KCNMB2: variants seen among roughly 807,000 people sequenced by gnomAD.
KCNMB2 encodes calcium-activated potassium channel subunit beta-2.
A neutral mutation model predicts 24.5 loss-of-function variants in KCNMB2; 9 were observed. The observed-to-expected ratio is 0.37, with a 90% CI of 0.22 to 0.64. The LOEUF (loss-of-function observed/expected upper bound fraction) is 0.64, where lower values mean the gene tolerates loss of function less well. Among genes scored for constraint, KCNMB2 ranks in the 30% least tolerant of loss-of-function variants. The pLI is 0.63. For synonymous variants in KCNMB2, 109 were observed against 104.4 expected, an observed-to-expected ratio of 1.04 and a Z score of -0.27; for missense variants, 226 against 284.3, an observed-to-expected ratio of 0.79 and a Z score of 1.47.
rs375704467 is a variant in KCNMB2 at position 178,599,444 on chromosome 3, G to T, written c.-68+62733G>T. Among the ~76,000 whole-genome samples, 50 of 152,208 alleles carry T rather than the reference G, an allele frequency of 3.3e-4. No homozygotes were observed. In the South Asian group the frequency reaches 0.01, roughly 31 times the overall value. On this transcript the variant is annotated intron_variant, in intron 1 of 4. Coordinates refer to ENST00000452583, the MANE Select transcript of KCNMB2 (RefSeq NM_181361.3). ...AAAAAGAAAAAGTCATCAGGCTACA[G>T]AATTTTTTAAAAGTATGTGCTATCA...
intron 1 of KCNMB2, among the ~76,000 whole-genome samples, chr3:178,625,483 G>C (rs888215035): frequency 6.6e-6 from 1 of 152,260 alleles, no homozygotes; most frequent in South Asian, 2.1e-4. Flanking sequence ...CAATGCCGGG[G>C]TGGGGAGGTG....
chr3:178,812,351 AG>A (rs781283407), intron 2 of KCNMB2, among the ~76,000 whole-genome samples: 1 of 150,724 alleles, frequency 6.6e-6, no homozygotes, highest in Non-Finnish European at 1.5e-5. Flanking sequence ...CTCGTCATTT[AG>A]CATTAGGTAT....
chr3:178,631,553 C>T (rs935889489), intron 1 of KCNMB2, among the ~76,000 whole-genome samples: 4 of 152,228 alleles, frequency 2.6e-5, no homozygotes, highest in Admixed American at 1.3e-4. Context: ...AACACTGGAT[C>T]GGGGGGTCGA....
chr3:178,693,270 G>C (rs1359858529), intron 1 of KCNMB2, among the ~76,000 whole-genome samples: 4 of 152,184 alleles, frequency 2.6e-5, no homozygotes, highest in Non-Finnish European at 5.9e-5. Context: ...GTCCTGGCCA[G>C]GATGTCCAAT....
chr3:178,739,130 G>A (rs1723412987), intron 1 of KCNMB2, among the ~76,000 whole-genome samples: 2 of 151,414 alleles, frequency 1.3e-5, no homozygotes, highest in African/African-American at 4.8e-5. Context: ...TATATCAGCA[G>A]GAGGTAGAAA....
At chr3:178,738,965 T>C (rs139142924) in intron 1 of KCNMB2, among the ~76,000 whole-genome samples, 1 of 152,106 alleles carries the variant, frequency 6.6e-6, no homozygotes, top group East Asian at 1.9e-4. Flanking sequence ...ATGTAGAAAA[T>C]AATGCTGTGC....
chr3:178,541,328 G>A (rs35813382), intron 1 of KCNMB2, among the ~76,000 whole-genome samples: 17,714 of 152,056 alleles, frequency 0.12, 1,219 homozygotes, highest in Middle Eastern at 0.22. Flanking sequence ...ATGTTGACAC[G>A]TCCTATATTT....
At chr3:178,837,883 T>C (rs1715290307) in intron 4 of KCNMB2, among the ~76,000 whole-genome samples, 1 of 152,178 alleles carries the variant, frequency 6.6e-6, no homozygotes, top group African/African-American at 2.4e-5. Context: ...TAAAAATCTA[T>C]ATTTTTAAGC....
At chr3:178,553,099 A>C in intron 1 of KCNMB2, among the ~76,000 whole-genome samples, 1 of 152,250 alleles carries the variant, frequency 6.6e-6, no homozygotes, top group Non-Finnish European at 1.5e-5. Flanking sequence ...CACAAAAGAA[A>C]ATCAATTTTA....
intron 1 of KCNMB2, among the ~76,000 whole-genome samples, chr3:178,665,255 A>G (rs951667599): frequency 2.0e-5 from 3 of 152,172 alleles, no homozygotes; most frequent in Non-Finnish European, 2.9e-5. Context: ...CACTTTTAAA[A>G]GAGTTTATTA....
chr3:178,837,052 C>G (rs951567552), intron 4 of KCNMB2, among the ~76,000 whole-genome samples: 5 of 152,098 alleles, frequency 3.3e-5, no homozygotes, highest in Non-Finnish European at 7.4e-5. Flanking sequence ...AAACAAAAAC[C>G]TAGGCTCCTA....
At chr3:178,754,375 T>C (rs1307945960) in intron 1 of KCNMB2, among the ~76,000 whole-genome samples, 1 of 151,998 alleles carries the variant, frequency 6.6e-6, no homozygotes, top group African/African-American at 2.4e-5. Flanking sequence ...ACTTGGTTAT[T>C]TATCTTTGTA....
At chr3:178,745,181 A>G (rs1039124720) in intron 1 of KCNMB2, among the ~76,000 whole-genome samples, 3 of 152,178 alleles carry the variant, frequency 2.0e-5, no homozygotes, top group Non-Finnish European at 4.4e-5. Flanking sequence ...ATAAAGACAT[A>G]CCCAAGACGG....
chr3:178,701,958 T>C (rs1722113265), intron 1 of KCNMB2, among the ~76,000 whole-genome samples: 1 of 152,128 alleles, frequency 6.6e-6, no homozygotes, highest in Non-Finnish European at 1.5e-5. Context: ...ATATAAATCA[T>C]GCTGCTATAA....
intron 1 of KCNMB2, among the ~76,000 whole-genome samples, chr3:178,664,594 C>A (rs967302331): frequency 6.6e-6 from 1 of 151,846 alleles, no homozygotes; most frequent in Admixed American, 6.6e-5. Context: ...ATTCTTTGTA[C>A]CCAGAGGATT....
chr3:178,549,003 C>G (rs1715858269), intron 1 of KCNMB2, among the ~76,000 whole-genome samples: 1 of 152,120 alleles, frequency 6.6e-6, no homozygotes, highest in South Asian at 2.1e-4. Context: ...GTAGAGGTAT[C>G]TTATAAAAAG....
At chr3:178,703,342 A>T (rs2108342807) in intron 1 of KCNMB2, among the ~76,000 whole-genome samples, 1 of 152,228 alleles carries the variant, frequency 6.6e-6, no homozygotes. Context: ...GCTTTCCACC[A>T]TTCCATTATT....
intron 1 of KCNMB2, among the ~76,000 whole-genome samples, chr3:178,784,890 A>C (rs1180968254): frequency 2.6e-5 from 4 of 151,364 alleles, no homozygotes; most frequent in East Asian, 3.9e-4. Context: ...AAAAAAAAAA[A>C]AAAAAACTAT....
In KCNMB2 at chr3:178,648,487, A is replaced by G. The variant is rs535898105; in HGVS notation, c.-68+111776A>G. On this transcript the variant is annotated intron_variant, in intron 1 of 4. Coordinates refer to ENST00000452583, the MANE Select transcript of KCNMB2 (RefSeq NM_181361.3). The stretch of plus-strand genomic sequence containing the variant: ...CAGGAGTTCAAGGCAGCACGCTGTG[A>G]GCTATGATCATGCCACTTTACCCCA... Among the ~76,000 whole-genome samples the G allele has an allele frequency of 5.3e-4, 80 of 152,312 alleles. 1 individual carries two copies. The highest frequency in any genetic ancestry group is 1.8e-3 in the African/African-American group (76 of 41,580).
Sources: allele counts gnomAD v4.1 joint callset (sites outside exome capture counted in the v4.1 genomes callset), GRCh38; gene constraint gnomAD v4.1.1; transcripts MANE v1.5; gene names NCBI Gene and HGNC (gene_info 2026-07-23, HGNC 2026-07-21).